SCHIP1: variants seen among roughly 807,000 people sequenced by gnomAD.
SCHIP1 encodes schwannomin interacting protein 1.
Under a neutral mutation model 29.7 loss-of-function variants are expected in SCHIP1, and 8 were observed. The observed-to-expected ratio is 0.27, with a 90% confidence interval of 0.16 to 0.49. The LOEUF is 0.49. Among genes scored for constraint, SCHIP1 ranks in the 20% least tolerant of loss-of-function variants. The probability of loss-of-function intolerance (pLI) is 0.99; values close to 1 mark genes in which losing one functional copy is unlikely to be tolerated. For missense variants in SCHIP1, 193 were observed against 294.6 expected, an observed-to-expected ratio of 0.66 and a Z score of 2.52; for synonymous variants, 76 against 94.9, an observed-to-expected ratio of 0.80 and a Z score of 1.16.
At chr3:159,833,403 G>A in the SCHIP1 span, among the ~76,000 whole-genome samples, 7 of 152,100 alleles carry the variant, frequency 4.6e-5, no homozygotes, top group African/African-American at 1.7e-4. Context: ...GCCGTCTCTG[G>A]TTCTTTCTCT....
chr3:159,576,267 CTA>C, the SCHIP1 span, among the ~76,000 whole-genome samples: 1 of 152,162 alleles, frequency 6.6e-6, no homozygotes, highest in African/African-American at 2.4e-5. Context: ...TTTAAAAAGA[CTA>C]TTATGCCATT....
the SCHIP1 span, among the ~76,000 whole-genome samples, chr3:159,633,014 T>C: frequency 6.6e-6 from 1 of 152,130 alleles, no homozygotes; most frequent in Admixed American, 6.6e-5. Flanking sequence ...GCACCAACAG[T>C]GAAAACCTTC....
intron 1 of SCHIP1, among the ~76,000 whole-genome samples, chr3:159,842,516 C>T (rs1744310644): frequency 1.3e-5 from 2 of 152,132 alleles, no homozygotes; most frequent in Non-Finnish European, 2.9e-5. Flanking sequence ...GATCATGTCC[C>T]ATATCTCAAA....
Position 159,863,289 on chromosome 3 carries a change from G to A in SCHIP1, c.31-2874G>A, listed in dbSNP as rs1321216205. On this transcript the variant is annotated intron_variant, in intron 1 of 6. Transcript: ENST00000445224. The stretch of plus-strand genomic sequence containing the variant: ...TAGGAGGTGAATGTTGCAGTGAGTC[G>A]AAATGGTGCCACTGCACTCCAGCCT... Among the ~76,000 whole-genome samples, 5 of 151,628 alleles carry A rather than the reference G, an allele frequency of 3.3e-5. No individual in the cohort carries two copies. In the South Asian group the frequency reaches 6.2e-4, roughly 19 times the overall value.
chr3:159,331,534 C>T, the SCHIP1 span, among the ~76,000 whole-genome samples: 3 of 152,126 alleles, frequency 2.0e-5, no homozygotes, highest in Non-Finnish European at 4.4e-5. Flanking sequence ...CCAGCCCTAG[C>T]TCCCCAAACT....
At chr3:159,417,808 G>A in the SCHIP1 span, among the ~76,000 whole-genome samples, 1 of 152,146 alleles carries the variant, frequency 6.6e-6, no homozygotes, top group East Asian at 1.9e-4. Flanking sequence ...AAATAGTGTT[G>A]TGCATTGGGG....
the SCHIP1 span, among the ~76,000 whole-genome samples, chr3:159,446,492 TGCATTACA>T: frequency 3.3e-5 from 5 of 152,108 alleles, no homozygotes; most frequent in East Asian, 9.7e-4. Context: ...ACAGTATTGT[TGCATTACA>T]GCAATACAGT....
chr3:159,496,769 G>C, the SCHIP1 span, among the ~76,000 whole-genome samples: 1 of 152,050 alleles, frequency 6.6e-6, no homozygotes, highest in Admixed American at 6.6e-5. Context: ...ATACCCAAAG[G>C]ACTATAAATC....
chr3:159,401,665 T>C, the SCHIP1 span, among the ~76,000 whole-genome samples: 1 of 152,182 alleles, frequency 6.6e-6, no homozygotes, highest in African/African-American at 2.4e-5. Context: ...CTATACACAT[T>C]GTGAGTTACT....
At chr3:159,777,502 C>T in the SCHIP1 span, among the ~76,000 whole-genome samples, 1 of 148,066 alleles carries the variant, frequency 6.8e-6, no homozygotes, top group African/African-American at 2.5e-5. Flanking sequence ...AATTTTTATA[C>T]ACATCCCATT....
At chr3:159,303,453 A>AGAGG in the SCHIP1 span, among the ~76,000 whole-genome samples, 2 of 148,998 alleles carry the variant, frequency 1.3e-5, no homozygotes, top group African/African-American at 5.0e-5. Context: ...AGAGAGAAAG[A>AGAGG]GAGAGAGAAG....
At chr3:159,351,015 A>C in the SCHIP1 span, among the ~76,000 whole-genome samples, 1 of 152,296 alleles carries the variant, frequency 6.6e-6, no homozygotes, top group Non-Finnish European at 1.5e-5. Context: ...AAATTTAAAA[A>C]ATATATCTGC....
the SCHIP1 span, among the ~76,000 whole-genome samples, chr3:159,304,039 AGT>A: frequency 5.5e-3 from 671 of 122,016 alleles, 2 homozygotes; most frequent in Non-Finnish European, 8.7e-3. Flanking sequence ...CAGGCCCCAG[AGT>A]GCGATGTTCC....
the SCHIP1 span, among the ~76,000 whole-genome samples, chr3:159,342,293 T>C: frequency 6.6e-6 from 1 of 152,186 alleles, no homozygotes. Flanking sequence ...ATTTTCATCT[T>C]AAAGATGTAT....
the SCHIP1 span, among the ~76,000 whole-genome samples, chr3:159,480,170 G>A: frequency 6.6e-6 from 1 of 152,172 alleles, no homozygotes; most frequent in Non-Finnish European, 1.5e-5. Flanking sequence ...CTACTTGAGT[G>A]AGTCATGGTC....
chr3:159,845,845 G>T (rs1490208424), intron 1 of SCHIP1: 1 of 152,210 alleles, frequency 6.6e-6, no homozygotes, highest in Non-Finnish European at 1.5e-5. Context: ...CGTAACCCCA[G>T]AGATAAGCTC....
chr3:159,844,385 A>G (rs965588583), intron 1 of SCHIP1, among the ~76,000 whole-genome samples: 6 of 150,900 alleles, frequency 4.0e-5, no homozygotes, highest in African/African-American at 1.5e-4. Flanking sequence ...ATTCTCCTAC[A>G]GAATTTTTCA....
At chr3:159,846,955 C>T (rs1169619032) in intron 1 of SCHIP1, among the ~76,000 whole-genome samples, 2 of 150,468 alleles carry the variant, frequency 1.3e-5, no homozygotes, top group East Asian at 1.9e-4. Context: ...AAGAGCCCCA[C>T]ATGGAAAAAA....
the SCHIP1 span, among the ~76,000 whole-genome samples, chr3:159,476,775 C>T: frequency 1.1e-4 from 16 of 152,074 alleles, no homozygotes; most frequent in Non-Finnish European, 2.2e-4. Context: ...ACCTAATTAA[C>T]ATATATACCC....
Sources: gnomAD v4.1 joint callset for allele counts (sites outside exome capture counted in the v4.1 genomes callset) on GRCh38, gnomAD v4.1.1 for gene constraint, MANE v1.5 for transcripts, NCBI Gene and HGNC (gene_info 2026-07-23, HGNC 2026-07-21) for gene names.